The following TUSC3 variants were observed in gnomAD, a reference collection of about 807,000 sequenced individuals.
The protein encoded by TUSC3 is dolichyl-diphosphooligosaccharide--protein glycosyltransferase subunit TUSC3.
A neutral mutation model predicts 44.8 loss-of-function variants in TUSC3; 45 were observed. The observed-to-expected ratio is 1.00, with a 90% confidence interval of 0.79 to 1.29. TUSC3 has a LOEUF of 1.29. TUSC3 is among the 50% of genes most tolerant of loss of function. TUSC3 has a pLI of 0.00. For synonymous variants in TUSC3, 212 were observed against 152.9 expected, an observed-to-expected ratio of 1.39 and a Z score of -2.85; for missense variants, 519 against 437.9, an observed-to-expected ratio of 1.19 and a Z score of -1.65.
chr8:15,485,464 C>CTTTTTTTTTT lies in TUSC3; in HGVS notation n.189+1983_189+1992dup, dbSNP rs11372919. 1.6e-4 allele frequency among the ~76,000 whole-genome samples: 21 copies of CTTTTTTTTTT among 135,236 alleles called. 3 individuals are homozygous for CTTTTTTTTTT. Among genetic ancestry groups the CTTTTTTTTTT allele is most frequent in the East Asian group, 2.3e-4 (1 of 4,434 alleles). The allele number at this position is 135,236 out of a possible 152,430, so 88.7% of individuals were successfully genotyped here. A position where few individuals can be genotyped will look rare whatever the true frequency, so the allele number is the denominator to read the frequency against. ...AAGCAATGTCATTATACTCTGTTGTCTTTTTTTTTTTGTTTTTTGTGACAC... is the reference window on the plus strand; with the variant it reads ...AAGCAATGTCATTATACTCTGTTGTCTTTTTTTTTTTTTTTTTTTTTGTTTTTTGTGACAC... On this transcript the variant is annotated intron_variant and non_coding_transcript_variant, in intron 2 of 5. Coordinates refer to the TUSC3 transcript ENST00000503191.
At chr8:15,779,867 C>CTA in the TUSC3 span, among the ~76,000 whole-genome samples, 36 of 152,278 alleles carry the variant, frequency 2.4e-4, no homozygotes, top group East Asian at 5.4e-3. Context: ...TACAGAAACG[C>CTA]TATAGTCTGT....
At chr8:15,473,056 G>A (rs1314034383) in intron 1 of TUSC3, among the ~76,000 whole-genome samples, 1 of 152,188 alleles carries the variant, frequency 6.6e-6, no homozygotes, top group African/African-American at 2.4e-5. Context: ...CCTTCATGAA[G>A]TTGGATGGAA....
In TUSC3 at chr8:15,619,495, A is replaced by AT. The variant is rs1554460826; in HGVS notation, c.139-3572dup. Among the ~76,000 whole-genome samples, 66 of 146,956 alleles carry AT rather than the reference A, an allele frequency of 4.5e-4. No individual in the cohort carries two copies. In the South Asian group the frequency reaches 4.7e-3, roughly 10 times the overall value. On this transcript the variant is annotated intron_variant, in intron 1 of 10. Coordinates refer to ENST00000503731, the MANE Select transcript of TUSC3 (RefSeq NM_006765.4). ...GTCTGGAAAGAGTTTTATTCCATAT[A>AT]TTTTTTTTTTTTTCCAGTCGAAGTC...
the TUSC3 span, among the ~76,000 whole-genome samples, chr8:15,839,006 C>T: frequency 6.6e-6 from 1 of 152,084 alleles, no homozygotes; most frequent in Non-Finnish European, 1.5e-5. Context: ...AATGTTCTTC[C>T]ACTTGTTTGT....
chr8:15,616,500 C>G (rs937773198), intron 1 of TUSC3, among the ~76,000 whole-genome samples: 1 of 152,190 alleles, frequency 6.6e-6, no homozygotes, highest in Non-Finnish European at 1.5e-5. Context: ...TCGTTTGAAC[C>G]TGGGAGGTGG....
At chr8:15,497,188 T>C (rs1009439033) in intron 2 of TUSC3, among the ~76,000 whole-genome samples, 1 of 152,152 alleles carries the variant, frequency 6.6e-6, no homozygotes, top group African/African-American at 2.4e-5. Context: ...TCTGAGAAGT[T>C]TAAGTTTGAG....
the TUSC3 span, chr8:15,806,877 T>A: frequency 8.6e-7 from 1 of 1,165,540 alleles, no homozygotes; most frequent in Admixed American, 1.7e-5. Context: ...ATAATTATGT[T>A]GGGGAGAAAG....
intron 3 of TUSC3, among the ~76,000 whole-genome samples, chr8:15,651,721 T>A (rs185665881): frequency 2.0e-5 from 3 of 152,288 alleles, no homozygotes; most frequent in Non-Finnish European, 2.9e-5. Context: ...TTTCTGTTGG[T>A]TAGGTCACCT....
chr8:15,714,600 A>G (rs1455195338), intron 6 of TUSC3, among the ~76,000 whole-genome samples: 1 of 152,144 alleles, frequency 6.6e-6, no homozygotes, highest in East Asian at 1.9e-4. Context: ...ATCTGGTATT[A>G]ATCCAGATAT....
intron 1 of TUSC3, among the ~76,000 whole-genome samples, chr8:15,567,798 T>C (rs1472058470): frequency 6.6e-6 from 1 of 152,140 alleles, no homozygotes; most frequent in Non-Finnish European, 1.5e-5. Flanking sequence ...GTGTGCACAT[T>C]TTGAATACTT....
intron 3 of TUSC3, among the ~76,000 whole-genome samples, chr8:15,654,542 T>TA (rs1165319697): frequency 6.6e-6 from 1 of 152,198 alleles, no homozygotes; most frequent in East Asian, 1.9e-4. Context: ...AGCTTGTGTT[T>TA]ACAAATCAGT....
chr8:15,615,773 G>C (rs1479854587), intron 1 of TUSC3, among the ~76,000 whole-genome samples: 1 of 151,986 alleles, frequency 6.6e-6, no homozygotes, highest in Non-Finnish European at 1.5e-5. Flanking sequence ...AAGGAAAAAA[G>C]AAAATACAGG....
At chr8:15,848,908 C>T in the TUSC3 span, among the ~76,000 whole-genome samples, 1 of 152,308 alleles carries the variant, frequency 6.6e-6, no homozygotes, top group African/African-American at 2.4e-5. Flanking sequence ...ATCGCATAAA[C>T]TACCTTTGTA....
chr8:15,772,164 C>G, the TUSC3 span, among the ~76,000 whole-genome samples: 6 of 151,916 alleles, frequency 3.9e-5, no homozygotes, highest in East Asian at 5.8e-4. Flanking sequence ...AAAAGAAAAA[C>G]AAACCCAAAA....
At chr8:15,633,777 C>T (rs562781951) in intron 2 of TUSC3, among the ~76,000 whole-genome samples, 1 of 152,252 alleles carries the variant, frequency 6.6e-6, no homozygotes, top group Non-Finnish European at 1.5e-5. Flanking sequence ...GAGCATGGCC[C>T]TACTCATACC....
rs572296825 is a variant in TUSC3, at chr8:15,749,375, T to A, written c.1028+910T>A. 3.9e-5 allele frequency among the ~76,000 whole-genome samples: 6 copies of A among 152,180 alleles called. No individual in the cohort carries two copies. The East Asian group carries it at 1.2e-3, about 29-fold the overall frequency. On this transcript the variant is annotated intron_variant, in intron 9 of 10. Coordinates refer to ENST00000503731, the MANE Select transcript of TUSC3 (RefSeq NM_006765.4). Reference sequence around the variant, plus strand: ...ATAGCTTTATCAGGGAAAAAACTAATCCCATAAAAGGGAGATCTGACTTTG... The same window carrying A: ...ATAGCTTTATCAGGGAAAAAACTAAACCCATAAAAGGGAGATCTGACTTTG...
chr8:15,446,609 C>T (rs1563252939), intron 1 of TUSC3, among the ~76,000 whole-genome samples: 1 of 151,568 alleles, frequency 6.6e-6, no homozygotes, highest in Non-Finnish European at 1.5e-5. Context: ...CGCCTGCAAT[C>T]CCAGGCGCTC....
intron 6 of TUSC3, among the ~76,000 whole-genome samples, chr8:15,709,474 T>C (rs1182497514): frequency 6.6e-6 from 1 of 151,928 alleles, no homozygotes; most frequent in Non-Finnish European, 1.5e-5. Context: ...ATGTATTTTA[T>C]GCCTTCTTCA....
At chr8:15,671,797 A>G (rs563335963) in intron 5 of TUSC3, among the ~76,000 whole-genome samples, 1 of 152,138 alleles carries the variant, frequency 6.6e-6, no homozygotes, top group Admixed American at 6.6e-5. Flanking sequence ...GTTCTTAAAT[A>G]TATAGTAAGC....
Sources: allele counts gnomAD v4.1 joint callset (sites outside exome capture counted in the v4.1 genomes callset), GRCh38; gene constraint gnomAD v4.1.1; transcripts MANE v1.5; gene names NCBI Gene and HGNC (gene_info 2026-07-23, HGNC 2026-07-21).